ANKS1B: variants seen among roughly 807,000 people sequenced by gnomAD.
ANKS1B encodes ankyrin repeat and sterile alpha motif domain containing 1B, also known as ankyrin repeat and sterile alpha motif domain-containing protein 1B.
A neutral mutation model predicts 148.3 loss-of-function variants in ANKS1B; 36 were observed. The observed-to-expected ratio is 0.24, with a 90% CI of 0.19 to 0.32. The LOEUF (loss-of-function observed/expected upper bound fraction) is 0.32. Ranked by LOEUF, ANKS1B falls within the 10% of genes least tolerant of loss-of-function variation. The probability of loss-of-function intolerance (pLI) is 1.00; values close to 1 mark genes in which losing one functional copy is unlikely to be tolerated. For synonymous variants in ANKS1B, 542 were observed against 560.8 expected, an observed-to-expected ratio of 0.97 and a Z score of 0.47; for missense variants, 1,157 against 1,542.6, an observed-to-expected ratio of 0.75 and a Z score of 4.19.
chr12:98,839,290 C>A (rs918542405), intron 17 of ANKS1B, among the ~76,000 whole-genome samples: 3 of 152,156 alleles, frequency 2.0e-5, no homozygotes, highest in Admixed American at 2.0e-4. Context: ...AATATCGAGT[C>A]CTCCAGGGCT....
intron 4 of ANKS1B, among the ~76,000 whole-genome samples, chr12:99,784,112 C>T (rs1379793024): frequency 1.3e-5 from 2 of 151,874 alleles, no homozygotes; most frequent in African/African-American, 4.8e-5. Context: ...CCATCCTTTG[C>T]CCATCACAAC....
At chr12:99,079,118 T>C (rs1399162828) in intron 16 of ANKS1B, among the ~76,000 whole-genome samples, 1 of 152,176 alleles carries the variant, frequency 6.6e-6, no homozygotes, top group South Asian at 2.1e-4. Flanking sequence ...TCCTCTTGAC[T>C]TGAGTCTTGA....
chr12:99,598,856 T>C (rs1027088840), intron 9 of ANKS1B, among the ~76,000 whole-genome samples: 4 of 152,068 alleles, frequency 2.6e-5, no homozygotes, highest in Admixed American at 2.0e-4. Context: ...CAACAGAAGC[T>C]ATTGCAGTTC....
intron 8 of ANKS1B, among the ~76,000 whole-genome samples, chr12:99,741,748 T>TG (rs1036023529): frequency 1.5e-4 from 23 of 151,054 alleles, no homozygotes; most frequent in Admixed American, 6.6e-5. Context: ...CCTGTCGAGG[T>TG]GGGGGGCAAG....
chr12:99,317,757 A>G (rs1408420421), intron 12 of ANKS1B, among the ~76,000 whole-genome samples: 2 of 152,174 alleles, frequency 1.3e-5, no homozygotes, highest in Non-Finnish European at 2.9e-5. Context: ...TTCAAAGGGA[A>G]TGCTTCCAAT....
intron 1 of ANKS1B, among the ~76,000 whole-genome samples, chr12:99,868,483 G>A (rs1401328661): frequency 6.6e-6 from 1 of 152,048 alleles, no homozygotes; most frequent in Non-Finnish European, 1.5e-5. Flanking sequence ...CCTAGGCAGT[G>A]CAATAAGAAA....
intron 1 of ANKS1B, among the ~76,000 whole-genome samples, chr12:99,955,081 T>A (rs2095295376): frequency 6.6e-6 from 1 of 152,182 alleles, no homozygotes; most frequent in Non-Finnish European, 1.5e-5. Flanking sequence ...ATCTGACACC[T>A]AAGATGCAGT....
intron 8 of ANKS1B, among the ~76,000 whole-genome samples, chr12:99,720,366 G>A (rs1053601093): frequency 5.3e-5 from 8 of 152,296 alleles, no homozygotes; most frequent in Admixed American, 2.6e-4. Context: ...GAAGGCCACC[G>A]CAGTCATTTC....
At chr12:99,444,178 T>A (rs2095597533) in intron 10 of ANKS1B, among the ~76,000 whole-genome samples, 1 of 152,016 alleles carries the variant, frequency 6.6e-6, no homozygotes, top group Non-Finnish European at 1.5e-5. Context: ...GCTTTCCCAA[T>A]AATCTCTTAA....
intron 17 of ANKS1B, among the ~76,000 whole-genome samples, chr12:99,035,477 G>A (rs1028676182): frequency 5.3e-5 from 8 of 151,988 alleles, no homozygotes; most frequent in Admixed American, 6.6e-5. Flanking sequence ...ATAATATTTC[G>A]GCACAGCTGT....
Position 99,716,143 on chromosome 12 carries a change from C to T in ANKS1B, c.1128+56779G>A, listed in dbSNP as rs561199105. Among the ~76,000 whole-genome samples, 316 of 152,118 alleles carry T rather than the reference C, an allele frequency of 2.1e-3. 2 individuals are homozygous for T. Among genetic ancestry groups the T allele is most frequent in the Non-Finnish European group, 3.5e-3 (241 of 68,010 alleles). On this transcript the variant is annotated intron_variant, in intron 8 of 26. Transcript: ENST00000683438. ...TGCTTTTCTGGGGTGCAAGAACCCC[C>T]CGATCCCTTATTTCCGTGCCCCGAC...
At chr12:99,718,228 A>G (rs2057659394) in intron 8 of ANKS1B, among the ~76,000 whole-genome samples, 1 of 151,978 alleles carries the variant, frequency 6.6e-6, no homozygotes, top group Admixed American at 6.6e-5. Flanking sequence ...ACTCCTTTTT[A>G]GTTATCCCCA....
chr12:99,966,212 A>G (rs555319221), intron 1 of ANKS1B, among the ~76,000 whole-genome samples: 4 of 152,212 alleles, frequency 2.6e-5, no homozygotes, highest in Admixed American at 6.5e-5. Flanking sequence ...GACAAAGTTA[A>G]TTTTCTTATT....
chr12:98,865,859 CA>C (rs149736177), intron 17 of ANKS1B, among the ~76,000 whole-genome samples: 3,028 of 152,164 alleles, frequency 0.02, 106 homozygotes, highest in African/African-American at 0.068. Context: ...TGGGTAGCTT[CA>C]AAACAACAAA....
chr12:98,760,451 A>G (rs1000301067), intron 25 of ANKS1B, among the ~76,000 whole-genome samples: 2 of 152,082 alleles, frequency 1.3e-5, no homozygotes, highest in African/African-American at 2.4e-5. Context: ...TGTTTTTTAG[A>G]GACAGGGTTT....
intron 6 of ANKS1B, among the ~76,000 whole-genome samples, 176 bp downstream of exon 6, chr12:99,779,695 A>C (rs892183077): frequency 6.6e-6 from 1 of 152,198 alleles, no homozygotes. Flanking sequence ...TAGTTGAAAA[A>C]CAAAAATAAA....
At chr12:99,380,641 A>C (rs1466941396) in intron 12 of ANKS1B, among the ~76,000 whole-genome samples, 2 of 152,210 alleles carry the variant, frequency 1.3e-5, no homozygotes, top group Non-Finnish European at 2.9e-5. Flanking sequence ...ACTGATTCTT[A>C]ATGTATTTTG....
At chr12:98,938,624 G>A (rs2099826453) in intron 17 of ANKS1B, among the ~76,000 whole-genome samples, 1 of 152,250 alleles carries the variant, frequency 6.6e-6, no homozygotes, top group African/African-American at 2.4e-5. Flanking sequence ...GTAAGGTTAA[G>A]ATGTGTCCTT....
At chr12:99,535,284 G>A (rs1346717010) in intron 9 of ANKS1B, among the ~76,000 whole-genome samples, 2 of 152,068 alleles carry the variant, frequency 1.3e-5, no homozygotes, top group Non-Finnish European at 2.9e-5. Flanking sequence ...AACTCCTCTG[G>A]TTTCCTGGCT....
Sources: gnomAD v4.1 joint callset for allele counts (sites outside exome capture counted in the v4.1 genomes callset) on GRCh38, gnomAD v4.1.1 for gene constraint, MANE v1.5 for transcripts, NCBI Gene and HGNC (gene_info 2026-07-23, HGNC 2026-07-21) for gene names.